Variants in HOOK3 observed in about 807,000 individuals in gnomAD.
HOOK3 encodes the protein hook microtubule tethering protein 3.
A neutral mutation model predicts 116.3 loss-of-function variants in HOOK3; 24 were observed. The ratio of observed to expected loss-of-function variants is 0.21; its 90% CI spans 0.15 to 0.29. The LOEUF is 0.29. HOOK3 is among the 10% of genes least tolerant of loss of function. The pLI is 1.00. For missense variants in HOOK3, 632 were observed against 830.2 expected (o/e 0.76, Z 2.93); for synonymous variants, 275 against 283.0 (o/e 0.97, Z 0.28).
At chr8:42,959,159 C>T (rs1563301281) in intron 7 of HOOK3, 72 bp from the exon 8 acceptor site, 3 of 981,310 alleles carry the variant, frequency 3.1e-6, no homozygotes, top group Non-Finnish European at 4.8e-6. Flanking sequence ...TGTTTTAATT[C>T]TGTGTTGAAC....
At chr8:42,928,340 A>G (rs1807809146) in intron 3 of HOOK3, among the ~76,000 whole-genome samples, 1 of 151,586 alleles carries the variant, frequency 6.6e-6, no homozygotes, top group Non-Finnish European at 1.5e-5. Flanking sequence ...AATTCCAGCT[A>G]CCTGGGAGGC....
At chr8:42,910,185 A>C (rs1326524171) in intron 2 of HOOK3, among the ~76,000 whole-genome samples, 1 of 152,224 alleles carries the variant, frequency 6.6e-6, no homozygotes, top group Non-Finnish European at 1.5e-5. Context: ...TGTACCCATA[A>C]ATATAGTTTG....
intron 2 of HOOK3, among the ~76,000 whole-genome samples, chr8:42,909,111 A>G (rs756555493): frequency 4.6e-5 from 7 of 152,254 alleles, no homozygotes; most frequent in Non-Finnish European, 8.8e-5. Context: ...ATGAGGTGTC[A>G]CCTCACACCT....
intron 7 of HOOK3, among the ~76,000 whole-genome samples, chr8:42,957,938 T>C (rs1428871969): frequency 6.6e-6 from 1 of 151,328 alleles, no homozygotes; most frequent in Non-Finnish European, 1.5e-5. Flanking sequence ...CTCACCATTC[T>C]CCTGCCTCAG....
intron 16 of HOOK3, chr8:43,001,228 A>G (rs1013120810): frequency 1.3e-5 from 2 of 152,102 alleles, no homozygotes; most frequent in African/African-American, 4.8e-5. Context: ...TGAGGAAAGA[A>G]GTGAAATTTG....
chr8:43,026,475 G>A lies in HOOK3; in HGVS notation c.*7977G>A. On this transcript the variant is annotated 3_prime_UTR_variant, in exon 22 of 22. Coordinates refer to ENST00000307602, the MANE Select transcript of HOOK3 (RefSeq NM_032410.4). ...TGTTGGAAGCTGGGTTGGAGCTACT[G>A]GATATGAGTTACTTTTTACATGTCT... 4.8e-6 allele frequency: 1 copy of A among 209,670 alleles called. No individual in the cohort carries two copies. The highest frequency in any genetic ancestry group is 7.3e-5 in the East Asian group (1 of 13,754). 13.0% of individuals were successfully genotyped at this position (209,670 alleles called of 1,614,324 possible). A position where few individuals can be genotyped will look rare whatever the true frequency, so the allele number is the denominator to read the frequency against.
At chr8:43,008,323 A>G (rs143833737) in intron 18 of HOOK3, among the ~76,000 whole-genome samples, 185 of 151,734 alleles carry the variant, frequency 1.2e-3, no homozygotes, top group African/African-American at 4.2e-3. Flanking sequence ...CAGCCTGTTT[A>G]TTTATTTTTG....
At chr8:42,970,782 CTTTTT>C (rs764513803) in intron 11 of HOOK3, among the ~76,000 whole-genome samples, 2 of 93,892 alleles carry the variant, frequency 2.1e-5, no homozygotes, top group African/African-American at 8.7e-5. Flanking sequence ...GAATTTGGGT[CTTTTT>C]TTTTTTTTTT....
At chr8:42,933,825 T>C (rs1350191719) in intron 4 of HOOK3, among the ~76,000 whole-genome samples, 1 of 152,230 alleles carries the variant, frequency 6.6e-6, no homozygotes, top group African/African-American at 2.4e-5. Context: ...CCAGTGCTGC[T>C]GCTGACATCT....
chr8:42,972,300 C>G (rs1456543214), intron 11 of HOOK3, among the ~76,000 whole-genome samples: 1 of 152,156 alleles, frequency 6.6e-6, no homozygotes, highest in East Asian at 1.9e-4. Flanking sequence ...TAATACCCCT[C>G]TAATTGCTTG....
At chr8:42,984,356 G>A (rs1809009154) in intron 14 of HOOK3, among the ~76,000 whole-genome samples, 1 of 146,330 alleles carries the variant, frequency 6.8e-6, no homozygotes. Context: ...CAACAAGAGT[G>A]AAACTCCATC....
In HOOK3 at chr8:43,023,515, C is replaced by G. The variant is rs758650800; in HGVS notation, c.*5017C>G. The stretch of plus-strand genomic sequence containing the variant: ...TCCCCCAGGCTGGAGTGCAGAGGCA[C>G]GATCCTGGCTGACTGCAAACTCTGC... On this transcript the variant is annotated 3_prime_UTR_variant, in exon 22 of 22. Coordinates refer to ENST00000307602, the MANE Select transcript of HOOK3 (RefSeq NM_032410.4). 4.3e-4 allele frequency: 73 copies of G among 171,338 alleles called. No homozygotes were observed. The highest frequency in any genetic ancestry group is 7.9e-4 in the Non-Finnish European group (63 of 79,338). The allele number at this position is 171,338 out of a possible 1,614,324, so 10.6% of individuals were successfully genotyped here. A position where few individuals can be genotyped will look rare whatever the true frequency, so the allele number is the denominator to read the frequency against.
intron 15 of HOOK3, among the ~76,000 whole-genome samples, chr8:42,997,096 TG>T (rs1809293510): frequency 6.6e-6 from 1 of 152,042 alleles, no homozygotes; most frequent in South Asian, 2.1e-4. Context: ...TTGGTAGAGA[TG>T]GAGTTTCACC....
intron 2 of HOOK3, among the ~76,000 whole-genome samples, chr8:42,916,493 A>C (rs1807536001): frequency 6.6e-6 from 1 of 152,236 alleles, no homozygotes; most frequent in Non-Finnish European, 1.5e-5. Context: ...CTATTGAGAA[A>C]AGAACTTTTA....
chr8:43,008,502 A>T (rs1230557315), intron 18 of HOOK3, among the ~76,000 whole-genome samples: 1 of 151,682 alleles, frequency 6.6e-6, no homozygotes, highest in Non-Finnish European at 1.5e-5. Flanking sequence ...AATTTTTTGT[A>T]GAGACGGGAT....
At chr8:42,969,114 CT>C (rs981789951) in intron 11 of HOOK3, among the ~76,000 whole-genome samples, 6 of 152,036 alleles carry the variant, frequency 3.9e-5, no homozygotes, top group African/African-American at 7.2e-5. Context: ...GATGTTTCAG[CT>C]TTTTTTTCTA....
rs1327706067 is a variant in HOOK3, at chr8:42,905,318, C to CT, written c.58-848dup. ...TTCTTTTTTTTTTTTTTTCCTGTTTCTTTTTTTGGGGGGGGGGGTGCCGTG... is the reference window on the plus strand; with the variant it reads ...TTCTTTTTTTTTTTTTTTCCTGTTTCTTTTTTTTGGGGGGGGGGGTGCCGTG... On this transcript the variant is annotated intron_variant, in intron 1 of 21. Transcript: ENST00000307602. 3.9e-3 allele frequency among the ~76,000 whole-genome samples: 196 copies of CT among 50,774 alleles called. 9 individuals carry two copies. Among genetic ancestry groups the CT allele is most frequent in the African/African-American group, 0.017 (164 of 9,846 alleles). The allele number at this position is 50,774 out of a possible 152,430, so 33.3% of individuals were successfully genotyped here. A position where few individuals can be genotyped will look rare whatever the true frequency, so the allele number is the denominator to read the frequency against.
At chr8:42,940,389 G>A (rs1265525150) in intron 4 of HOOK3, among the ~76,000 whole-genome samples, 1 of 152,232 alleles carries the variant, frequency 6.6e-6, no homozygotes, top group Admixed American at 6.5e-5. Context: ...GGCCAAGGCA[G>A]GAGAATCAGG....
At chr8:42,961,018 A>G (rs753057566) in intron 8 of HOOK3, among the ~76,000 whole-genome samples, 11 of 152,192 alleles carry the variant, frequency 7.2e-5, no homozygotes, top group Non-Finnish European at 1.0e-4. Flanking sequence ...CAGAAGGCAA[A>G]GGGGAAGCAG....
Sources: gnomAD v4.1 joint callset for allele counts (sites outside exome capture counted in the v4.1 genomes callset) on GRCh38, gnomAD v4.1.1 for gene constraint, MANE v1.5 for transcripts, NCBI Gene and HGNC (gene_info 2026-07-23, HGNC 2026-07-21) for gene names.